The following MAX variants were observed in gnomAD, a reference collection of about 807,000 sequenced individuals.
The protein encoded by MAX is MYC associated transcriptional regulator X, also known as protein max.
MAX carries 3 observed loss-of-function variants against 22.3 expected under a neutral mutation model. The ratio of observed to expected loss-of-function variants is 0.13; its 90% confidence interval spans 0.06 to 0.35. The LOEUF is 0.35. MAX is among the 10% of genes least tolerant of loss of function. The pLI is 1.00. For missense variants in MAX, 119 were observed against 209.4 expected, an observed-to-expected ratio of 0.57 and a Z score of 2.66; for synonymous variants, 72 against 77.7, an observed-to-expected ratio of 0.93 and a Z score of 0.39.
exon 4 of MAX, chr14:65,006,185 C>CT (rs1555390180): frequency 6.3e-7 from 1 of 1,576,010 alleles, no homozygotes; most frequent in African/African-American, 1.4e-5. Context: ...CCACCATTTC[C>CT]TTAAGAAACT....
At chr14:65,091,298 C>CCTA (rs1358119845) in intron 3 of MAX, among the ~76,000 whole-genome samples, 2 of 152,208 alleles carry the variant, frequency 1.3e-5, no homozygotes, top group Non-Finnish European at 2.9e-5. Context: ...TGAAACAGCG[C>CCTA]TGGCAGCTCG....
At position 65,032,109 on chromosome 14, in the gene MAX, T is replaced by C. The variant is rs565234029; in HGVS notation, c.172-25825A>G. ...TGGACTCACCTGTTCCTATCCTTGT[T>C]TGATCTATTACAATTTGGTGGCCTG... On this transcript the variant is annotated intron_variant, in intron 3 of 3. Transcript: ENST00000341653. The surrounding 1 kb of genome is among the most constrained non-coding windows in gnomAD (Gnocchi z 5.0). 1.3e-5 allele frequency among the ~76,000 whole-genome samples: 2 copies of C among 152,122 alleles called. No individual in the cohort carries two copies. Among genetic ancestry groups the C allele is most frequent in the African/African-American group, 4.8e-5 (2 of 41,502 alleles).
chr14:65,071,761 G>A (rs560426625), downstream of MAX, among the ~76,000 whole-genome samples: 81 of 152,216 alleles, frequency 5.3e-4, no homozygotes, highest in African/African-American at 1.8e-3. This position sits in a 1 kb window ranked among gnomAD's most constrained non-coding sequence, Gnocchi z 4.2. Flanking sequence ...TCCCAACACC[G>A]ACCCCAATGA....
intron 3 of MAX, among the ~76,000 whole-genome samples, chr14:65,046,468 A>AG (rs1318387610): frequency 6.6e-6 from 1 of 152,220 alleles, no homozygotes; most frequent in Non-Finnish European, 1.5e-5. Flanking sequence ...AAAGTCTTCC[A>AG]GGGGGGCTGC....
intron 3 of MAX, among the ~76,000 whole-genome samples, chr14:65,056,683 A>G (rs567732642): frequency 6.6e-6 from 1 of 152,092 alleles, no homozygotes; most frequent in Non-Finnish European, 1.5e-5. Context: ...GGGTAACTTC[A>G]GTTGTTTTCC....
At chr14:65,090,945 T>C (rs1170076147) in intron 3 of MAX, among the ~76,000 whole-genome samples, 2 of 152,192 alleles carry the variant, frequency 1.3e-5, no homozygotes, top group Admixed American at 1.3e-4. Context: ...AATTAACATA[T>C]TGCTTTCTCT....
intron 3 of MAX, among the ~76,000 whole-genome samples, chr14:65,040,310 T>C (rs1375203365): frequency 2.0e-5 from 3 of 149,334 alleles, no homozygotes; most frequent in Non-Finnish European, 4.4e-5. Flanking sequence ...TATATATGTG[T>C]ATATATGTAC....
chr14:65,016,016 A>C (rs1012680822), intron 3 of MAX, among the ~76,000 whole-genome samples: 1 of 152,204 alleles, frequency 6.6e-6, no homozygotes, highest in Non-Finnish European at 1.5e-5. Context: ...CAACTCTGAG[A>C]GACAAGATTT....
intron 2 of MAX, among the ~76,000 whole-genome samples, chr14:65,096,569 C>T (rs1049871669): frequency 6.6e-6 from 1 of 152,046 alleles, no homozygotes; most frequent in South Asian, 2.1e-4. Flanking sequence ...AGTTTGCAGG[C>T]TTTATCACTG....
Position 65,093,457 on chromosome 14 carries a change from A to C in MAX, c.171+251T>G. The C allele has an allele frequency of 2.0e-6, 1 of 506,696 alleles. No homozygotes were observed. Among genetic ancestry groups the C allele is most frequent in the Non-Finnish European group, 3.6e-6 (1 of 279,302 alleles). The allele number at this position is 506,696 out of a possible 1,614,324, so 31.4% of individuals were successfully genotyped here. On this transcript the variant is annotated intron_variant, in intron 3 of 4. Transcript: ENST00000358664. The surrounding 1 kb of genome is among the most constrained non-coding windows in gnomAD (Gnocchi z 4.4). ...ATAATTTCTTGAATTTATTACAAAT[A>C]ATACAAATTTTAAAAGATAACTCCT...
intron 3 of MAX, among the ~76,000 whole-genome samples, chr14:65,060,710 A>AAAAAATAC: frequency 1.1e-5 from 1 of 94,300 alleles, no homozygotes; most frequent in East Asian, 3.6e-4. Flanking sequence ...AAAAAAAAAA[A>AAAAAATAC]AAAAATACAA....
At chr14:65,102,566 G>A, upstream of MAX, 3 of 1,443,980 alleles carry the variant, frequency 2.1e-6, no homozygotes, top group South Asian at 1.4e-5. Flanking sequence ...CCCCCGCCAC[G>A]TGACCAGGCT....
intron 2 of MAX, among the ~76,000 whole-genome samples, chr14:65,100,534 A>G (rs900472600): frequency 2.0e-5 from 3 of 152,202 alleles, no homozygotes; most frequent in Non-Finnish European, 4.4e-5. Context: ...ACTGGAGTTC[A>G]GTAGTGCTGA....
intron 3 of MAX, among the ~76,000 whole-genome samples, chr14:65,041,959 A>G (rs1373963750): frequency 6.6e-6 from 1 of 152,342 alleles, no homozygotes; most frequent in African/African-American, 2.4e-5. Context: ...CATTTGAGAC[A>G]TGAGTCCTTG....
intron 3 of MAX, chr14:65,091,749 T>C (rs1390191125): frequency 1.3e-5 from 2 of 152,256 alleles, no homozygotes; most frequent in Admixed American, 6.5e-5. Flanking sequence ...ATAATTAAAA[T>C]TGCAACTCTT....
chr14:65,029,897 G>A lies in MAX; in HGVS notation c.172-23613C>T, dbSNP rs377372997. On this transcript the variant is annotated intron_variant, in intron 3 of 3. Transcript: ENST00000341653. This position sits in a 1 kb window ranked among gnomAD's most constrained non-coding sequence, Gnocchi z 4.7. ...AGCCCTCTGGTTTCAGGGCTGGAGGGAGAGAGAGCAGGAAGACTGATCCAG... is the reference window on the plus strand; with the variant it reads ...AGCCCTCTGGTTTCAGGGCTGGAGGAAGAGAGAGCAGGAAGACTGATCCAG... 3.9e-5 allele frequency among the ~76,000 whole-genome samples: 6 copies of A among 152,224 alleles called. No individual in the cohort carries two copies. Among genetic ancestry groups the A allele is most frequent in the East Asian group, 1.9e-4 (1 of 5,202 alleles).
chr14:65,071,475 G>A (rs771461387), downstream of MAX, among the ~76,000 whole-genome samples: 14 of 152,160 alleles, frequency 9.2e-5, no homozygotes, highest in Non-Finnish European at 1.6e-4. The surrounding 1 kb of genome is among the most constrained non-coding windows in gnomAD (Gnocchi z 4.2). Flanking sequence ...CTAAAAAATG[G>A]CTGCACTACC....
intron 3 of MAX, among the ~76,000 whole-genome samples, chr14:65,048,171 C>T (rs186673887): frequency 2.0e-4 from 31 of 151,586 alleles, no homozygotes; most frequent in Middle Eastern, 3.4e-3. Context: ...TTAGTAGAGA[C>T]AGGATATGAC....
chr14:65,090,551 C>T (rs1480753852), intron 3 of MAX: 1 of 151,500 alleles, frequency 6.6e-6, no homozygotes, highest in African/African-American at 2.4e-5. Flanking sequence ...ACTCTGTCAT[C>T]CAGGCTGGAG....
Sources: allele counts gnomAD v4.1 joint callset (sites outside exome capture counted in the v4.1 genomes callset), GRCh38; gene constraint gnomAD v4.1.1; non-coding constraint Gnocchi (gnomAD v3.1); transcripts MANE v1.5; gene names NCBI Gene and HGNC (gene_info 2026-07-23, HGNC 2026-07-21).